The following RBFOX1 variants were observed in gnomAD, a reference collection of about 807,000 sequenced individuals.
RBFOX1 encodes the protein RNA binding protein fox-1 homolog 1.
In RBFOX1, 8 loss-of-function variants were observed where a neutral mutation model predicts 57.7. The observed-to-expected ratio is 0.14, with a 90% CI of 0.08 to 0.25. The LOEUF (loss-of-function observed/expected upper bound fraction) is 0.25. RBFOX1 is among the 10% of genes least tolerant of loss of function. The probability of loss-of-function intolerance (pLI) is 1.00; values close to 1 mark genes in which losing one functional copy is unlikely to be tolerated. For missense variants in RBFOX1, 611 were observed against 548.5 expected, an observed-to-expected ratio of 1.11 and a Z score of -1.14; for synonymous variants, 326 against 222.4, an observed-to-expected ratio of 1.47 and a Z score of -4.15.
At chr16:6,317,304 C>A (rs757020352) in intron 2 of RBFOX1, among the ~76,000 whole-genome samples, 1 of 152,062 alleles carries the variant, frequency 6.6e-6, no homozygotes, top group South Asian at 2.1e-4. Flanking sequence ...GAGTTAACTG[C>A]GCCTTTATTA....
At chr16:6,605,119 G>C (rs1408080319) in intron 2 of RBFOX1, among the ~76,000 whole-genome samples, 1 of 152,096 alleles carries the variant, frequency 6.6e-6, no homozygotes, top group Admixed American at 6.6e-5. Context: ...CGCACCTGTA[G>C]TCTCAGCTAC....
At chr16:6,050,272 C>A (rs1037095042) in intron 1 of RBFOX1, among the ~76,000 whole-genome samples, 9 of 152,232 alleles carry the variant, frequency 5.9e-5, no homozygotes, top group Admixed American at 5.2e-4. Context: ...TATTAAGCAT[C>A]TTTTAATCAG....
chr16:6,743,119 A>G (rs941830071), intron 3 of RBFOX1, among the ~76,000 whole-genome samples: 2 of 152,220 alleles, frequency 1.3e-5, no homozygotes, highest in Non-Finnish European at 2.9e-5. Flanking sequence ...AAAATAAGTT[A>G]TAAAGATTTG....
At chr16:5,315,702 G>A (rs900154696) in intron 1 of RBFOX1, among the ~76,000 whole-genome samples, 1 of 152,160 alleles carries the variant, frequency 6.6e-6, no homozygotes, top group African/African-American at 2.4e-5. Flanking sequence ...AGTGCTGTGC[G>A]TAAGAGCACC....
intron 3 of RBFOX1, among the ~76,000 whole-genome samples, chr16:5,841,300 C>G (rs1369876439): frequency 1.3e-5 from 2 of 152,274 alleles, no homozygotes; most frequent in East Asian, 3.9e-4. Context: ...GGATTTGAAC[C>G]CACACAGCTG....
intron 3 of RBFOX1, among the ~76,000 whole-genome samples, chr16:5,823,402 C>T (rs1290241118): frequency 6.6e-6 from 1 of 152,192 alleles, no homozygotes; most frequent in African/African-American, 2.4e-5. Context: ...CCAAATGCAA[C>T]ATAGCATGTG....
intron 4 of RBFOX1, among the ~76,000 whole-genome samples, chr16:7,302,833 A>G (rs55719609): frequency 0.037 from 5,577 of 152,040 alleles, 139 homozygotes; most frequent in Non-Finnish European, 0.049. Flanking sequence ...TTATTGCATA[A>G]AGACTAATGA....
At chr16:7,473,392 A>T (rs926024012) in intron 4 of RBFOX1, among the ~76,000 whole-genome samples, 1 of 148,114 alleles carries the variant, frequency 6.8e-6, no homozygotes, top group African/African-American at 2.5e-5. Context: ...ATATACATAT[A>T]TATATATTTA....
At chr16:6,365,468 G>A (rs2089433340) in intron 2 of RBFOX1, among the ~76,000 whole-genome samples, 2 of 150,378 alleles carry the variant, frequency 1.3e-5, no homozygotes, top group African/African-American at 2.5e-5. Flanking sequence ...GAATGGATGG[G>A]TGGGTGGATG....
chr16:7,064,894 C>G (rs9922548), intron 4 of RBFOX1, among the ~76,000 whole-genome samples: 102,984 of 152,134 alleles, frequency 0.68, 35,289 homozygotes, highest in South Asian at 0.74. Flanking sequence ...TGGTATGATA[C>G]TCCCTCTGTA....
chr16:6,924,708 T>G (rs1306010753), intron 3 of RBFOX1, among the ~76,000 whole-genome samples: 5 of 152,044 alleles, frequency 3.3e-5, no homozygotes, highest in African/African-American at 1.2e-4. Flanking sequence ...TACTTTAAGT[T>G]TTAGGGTACA....
intron 1 of RBFOX1, among the ~76,000 whole-genome samples, chr16:6,062,898 C>T (rs921537824): frequency 6.6e-6 from 1 of 152,088 alleles, no homozygotes; most frequent in African/African-American, 2.4e-5. Flanking sequence ...TGTAGGCCAG[C>T]TGGCTGGAAA....
intron 2 of RBFOX1, among the ~76,000 whole-genome samples, chr16:6,599,323 G>T (rs2097819207): frequency 6.6e-6 from 1 of 152,144 alleles, no homozygotes; most frequent in African/African-American, 2.4e-5. Flanking sequence ...AGTCAGCCAG[G>T]GGTCCTCTAA....
chr16:5,912,574 C>T (rs748800164), intron 4 of RBFOX1, among the ~76,000 whole-genome samples: 2 of 152,190 alleles, frequency 1.3e-5, no homozygotes, highest in Non-Finnish European at 2.9e-5. Flanking sequence ...CTCATGACCT[C>T]TTGTTTTTAC....
At chr16:6,143,647 G>T (rs9923486) in intron 1 of RBFOX1, among the ~76,000 whole-genome samples, 12 of 152,238 alleles carry the variant, frequency 7.9e-5, no homozygotes, top group Non-Finnish European at 1.6e-4. Flanking sequence ...TATATCATAT[G>T]AACAATTGTT....
intron 3 of RBFOX1, among the ~76,000 whole-genome samples, chr16:6,918,655 T>C (rs1031656558): frequency 1.3e-5 from 2 of 152,146 alleles, no homozygotes; most frequent in Non-Finnish European, 2.9e-5. Context: ...TGCTTGTCAC[T>C]GAGTGTCCTA....
intron 1 of RBFOX1, among the ~76,000 whole-genome samples, chr16:6,059,676 T>G (rs1429908580): frequency 1.3e-5 from 2 of 152,142 alleles, no homozygotes; most frequent in African/African-American, 4.8e-5. Flanking sequence ...AGGTCTTAAG[T>G]TTCTTCCTTC....
chr16:5,692,022 A>AT (rs71142643), intron 3 of RBFOX1, among the ~76,000 whole-genome samples: 35 of 151,764 alleles, frequency 2.3e-4, no homozygotes, highest in Non-Finnish European at 4.3e-4. Flanking sequence ...CTCTTTTTTT[A>AT]TTTTTTTTTG....
At chr16:7,369,413 C>A (rs2097528006) in intron 4 of RBFOX1, among the ~76,000 whole-genome samples, 1 of 152,090 alleles carries the variant, frequency 6.6e-6, no homozygotes, top group Non-Finnish European at 1.5e-5. Flanking sequence ...TTTCATCTCT[C>A]CTCTCACTAT....
Sources: gnomAD v4.1 joint callset for allele counts (sites outside exome capture counted in the v4.1 genomes callset) on GRCh38, gnomAD v4.1.1 for gene constraint, MANE v1.5 for transcripts, NCBI Gene and HGNC (gene_info 2026-07-23, HGNC 2026-07-21) for gene names.